The following ORC3 variants were observed in gnomAD, a reference collection of about 807,000 sequenced individuals.
The protein encoded by ORC3 is homolog of latheo, Drosophila.
A neutral mutation model predicts 100.7 loss-of-function variants in ORC3; 78 were observed. The ratio of observed to expected loss-of-function variants is 0.77; its 90% CI spans 0.65 to 0.94. The LOEUF (loss-of-function observed/expected upper bound fraction) is 0.94. Ranked by LOEUF, ORC3 falls within the 40% of genes least tolerant of loss-of-function variation. The pLI, the probability that ORC3 is intolerant of heterozygous loss-of-function variation, is 0.00. For missense variants in ORC3, 789 were observed against 823.9 expected, an observed-to-expected ratio of 0.96 and a Z score of 0.52; for synonymous variants, 295 against 289.3, an observed-to-expected ratio of 1.02 and a Z score of -0.20.
downstream of ORC3, among the ~76,000 whole-genome samples, chr6:87,668,030 A>C (rs1257616481): frequency 6.6e-6 from 1 of 152,220 alleles, no homozygotes; most frequent in Non-Finnish European, 1.5e-5. Context: ...ATCACATCCC[A>C]AACAAATACA....
chr6:87,616,871 G>A (rs572004885), intron 9 of ORC3, among the ~76,000 whole-genome samples: 6 of 152,090 alleles, frequency 3.9e-5, no homozygotes, highest in Middle Eastern at 6.8e-3. Flanking sequence ...CATGATCTCA[G>A]CTCACTGCAA....
chr6:87,615,023 A>G (rs1699730807), intron 8 of ORC3, among the ~76,000 whole-genome samples: 1 of 152,190 alleles, frequency 6.6e-6, no homozygotes, highest in Non-Finnish European at 1.5e-5. Flanking sequence ...CACACCGCTG[A>G]TAAAGACATA....
chr6:87,644,574 G>A (rs990260248), intron 13 of ORC3, among the ~76,000 whole-genome samples: 3 of 152,098 alleles, frequency 2.0e-5, no homozygotes, highest in Non-Finnish European at 4.4e-5. Context: ...GGTGGCACAC[G>A]CCTATAGTCC....
chr6:87,613,657 T>TA (rs1220636245), intron 8 of ORC3, among the ~76,000 whole-genome samples: 1 of 152,108 alleles, frequency 6.6e-6, no homozygotes, highest in African/African-American at 2.4e-5. Flanking sequence ...ATTGGGTAAA[T>TA]ACAGCCATTC....
chr6:87,596,160 G>GTT (rs71554737), intron 2 of ORC3, among the ~76,000 whole-genome samples: 4 of 140,438 alleles, frequency 2.8e-5, no homozygotes, highest in Non-Finnish European at 4.7e-5. Flanking sequence ...GTTTGTTTTT[G>GTT]TTTTTTTTTT....
At chr6:87,634,372 G>C (rs532121519) in intron 11 of ORC3, among the ~76,000 whole-genome samples, 2 of 152,198 alleles carry the variant, frequency 1.3e-5, no homozygotes, top group South Asian at 4.1e-4. Flanking sequence ...TAACACACTT[G>C]AGTAGTACTT....
At chr6:87,662,979 T>C in intron 16 of ORC3, 24 bp from the exon 17 acceptor site, 6 of 1,567,882 alleles carry the variant, frequency 3.8e-6, no homozygotes, top group Non-Finnish European at 4.4e-6. Flanking sequence ...TATCTAAACA[T>C]GGATGCCTGA....
At chr6:87,605,802 G>A (rs1778290065) in intron 4 of ORC3, 115 bp from the exon 5 acceptor site, 2 of 609,842 alleles carry the variant, frequency 3.3e-6, no homozygotes, top group Non-Finnish European at 2.9e-6. Flanking sequence ...CTTGGTTTCT[G>A]TTATTAATCA....
In ORC3 at chr6:87,662,988, G is replaced by C. The variant is rs775532052; in HGVS notation, c.1692-15G>C. Reference sequence around the variant, plus strand: ...TGTGCTTATCTAAACATGGATGCCTGACTGGCTGTTTCAGAGAATACCTTC... The same window carrying C: ...TGTGCTTATCTAAACATGGATGCCTCACTGGCTGTTTCAGAGAATACCTTC... On this transcript the variant is annotated splice_polypyrimidine_tract_variant and intron_variant, in intron 16 of 19. Transcript: ENST00000392844. 1.9e-6 allele frequency: 3 copies of C among 1,583,828 alleles called. No homozygotes were observed. Among genetic ancestry groups the C allele is most frequent in the Admixed American group, 3.3e-5 (2 of 59,702 alleles).
intron 13 of ORC3, among the ~76,000 whole-genome samples, chr6:87,645,620 G>A (rs1768703046): frequency 6.6e-6 from 1 of 152,094 alleles, no homozygotes. Flanking sequence ...GGTAATGTTT[G>A]TTTAGAATTT....
At position 87,606,133 on chromosome 6, in the gene ORC3, G is replaced by A. The variant is rs143745094; in HGVS notation, c.427+112G>A. The stretch of plus-strand genomic sequence containing the variant: ...CTTTTTTTGGTGGAAAGAACACAGT[G>A]CTATGTTTTAGGCAGGGTGAGGTTT... On this transcript the variant is annotated intron_variant, in intron 5 of 19. Transcript: ENST00000392844. 624 of 650,666 alleles carry A rather than the reference G, an allele frequency of 9.6e-4. No individual in the cohort carries two copies. The African/African-American group carries it at 0.01, about 11-fold the overall frequency. The allele number at this position is 650,666 out of a possible 1,614,324, so 40.3% of individuals were successfully genotyped here.
intron 13 of ORC3, among the ~76,000 whole-genome samples, chr6:87,645,421 T>C (rs539757210): frequency 4.6e-5 from 7 of 152,364 alleles, no homozygotes; most frequent in African/African-American, 1.7e-4. Context: ...TCCTACATAA[T>C]TGCTTTGTTG....
intron 9 of ORC3, among the ~76,000 whole-genome samples, chr6:87,617,479 A>T (rs1243063482): frequency 1.3e-5 from 2 of 152,178 alleles, no homozygotes; most frequent in African/African-American, 2.4e-5. Flanking sequence ...TCATGCGTAT[A>T]ATCCCAGCAT....
At chr6:87,658,456 CA>C (rs34769498) in intron 16 of ORC3, among the ~76,000 whole-genome samples, 130 of 133,214 alleles carry the variant, frequency 9.8e-4, no homozygotes, top group Non-Finnish European at 1.0e-3. Flanking sequence ...GACTCCGTCT[CA>C]AAAAAAAAAA....
At chr6:87,631,266 G>A (rs1767383031) in intron 11 of ORC3, among the ~76,000 whole-genome samples, 1 of 152,088 alleles carries the variant, frequency 6.6e-6, no homozygotes, top group Non-Finnish European at 1.5e-5. Context: ...CATGCTTAAA[G>A]AACAGAGAAA....
chr6:87,646,020 G>A (rs184590206), intron 13 of ORC3, among the ~76,000 whole-genome samples: 361 of 137,526 alleles, frequency 2.6e-3, no homozygotes, highest in African/African-American at 8.9e-3. Context: ...GGAGTCTTGC[G>A]CTGTTGCCCA....
rs2307392 is a variant in ORC3, at chr6:87,667,228, T to C, written c.*105T>C. 0.011 allele frequency: 7,408 copies of C among 647,174 alleles called. 414 individuals carry two copies. In the African/African-American group the frequency reaches 0.12, roughly 11 times the overall value. The allele number at this position is 647,174 out of a possible 1,614,324, so 40.1% of individuals were successfully genotyped here. A position where few individuals can be genotyped will look rare whatever the true frequency, so the allele number is the denominator to read the frequency against. Reference sequence around the variant, plus strand: ...GAGCCTGTTTTGTTGAGAAGATAAATGTGTAACCCCCATTGATGTTTAACC... The same window carrying C: ...GAGCCTGTTTTGTTGAGAAGATAAACGTGTAACCCCCATTGATGTTTAACC... On this transcript the variant is annotated 3_prime_UTR_variant, in exon 20 of 20. Coordinates refer to ENST00000392844, the MANE Select transcript of ORC3 (RefSeq NM_012381.4).
At chr6:87,671,507 A>G (rs1015345245), downstream of ORC3, among the ~76,000 whole-genome samples, 2 of 151,992 alleles carry the variant, frequency 1.3e-5, no homozygotes, top group African/African-American at 4.8e-5. Context: ...TGAAGACGTT[A>G]ATATAATCTG....
the ORC3 span, among the ~76,000 whole-genome samples, chr6:87,674,710 G>A: frequency 2.7e-5 from 4 of 147,964 alleles, no homozygotes; most frequent in South Asian, 2.1e-4. Flanking sequence ...TCCTGACCTC[G>A]TGATCCTCCC....
Sources: allele counts gnomAD v4.1 joint callset (sites outside exome capture counted in the v4.1 genomes callset), GRCh38; gene constraint gnomAD v4.1.1; transcripts MANE v1.5; gene names NCBI Gene and HGNC (gene_info 2026-07-23, HGNC 2026-07-21).